Variants in CPD observed in about 807,000 individuals in gnomAD.
CPD encodes carboxypeptidase D, also known as metallocarboxypeptidase D.
CPD carries 69 observed loss-of-function variants against 138.3 expected under a neutral mutation model. The ratio of observed to expected loss-of-function variants is 0.50; its 90% CI spans 0.41 to 0.61. The LOEUF is 0.61. Among genes scored for constraint, CPD ranks in the 20% least tolerant of loss-of-function variants. CPD has a pLI of 0.00. For synonymous variants in CPD, 651 were observed against 642.1 expected, an observed-to-expected ratio of 1.01 and a Z score of -0.21; for missense variants, 1,432 against 1,733.3, an observed-to-expected ratio of 0.83 and a Z score of 3.09.
chr17:30,423,787 A>C, intron 6 of CPD, 90 bp downstream of exon 6: 4 of 986,070 alleles, frequency 4.1e-6, no homozygotes, highest in Non-Finnish European at 5.6e-6. Flanking sequence ...GTTCTTTTGG[A>C]ATTTCTTCCA....
chr17:30,448,451 G>A (rs1222726825), intron 12 of CPD, among the ~76,000 whole-genome samples: 1 of 152,180 alleles, frequency 6.6e-6, no homozygotes, highest in South Asian at 2.1e-4. Flanking sequence ...ACACTTTTTA[G>A]TTAAATATTT....
At chr17:30,444,754 A>G (rs922168371) in intron 11 of CPD, among the ~76,000 whole-genome samples, 7 of 152,068 alleles carry the variant, frequency 4.6e-5, no homozygotes, top group South Asian at 2.1e-4. Context: ...TTTGATAAGT[A>G]TAGATGTTAC....
intron 2 of CPD, among the ~76,000 whole-genome samples, chr17:30,395,984 G>C (rs1359049295): frequency 6.6e-6 from 1 of 152,082 alleles, no homozygotes; most frequent in Non-Finnish European, 1.5e-5. Context: ...AGGAATTTGG[G>C]GAATTTTTTT....
At chr17:30,394,010 C>CT (rs1158800727) in intron 2 of CPD, among the ~76,000 whole-genome samples, 1 of 151,668 alleles carries the variant, frequency 6.6e-6, no homozygotes, top group East Asian at 1.9e-4. Flanking sequence ...TGATGCACCC[C>CT]TGTAGTCCCA....
At position 30,422,695 on chromosome 17, in the gene CPD, T is replaced by G; in HGVS notation, c.1329T>G (p.Thr443=). 6.2e-7 allele frequency: 1 copy of G among 1,612,386 alleles called. No individual in the cohort carries two copies. The highest frequency in any genetic ancestry group is 8.5e-7 in the Non-Finnish European group (1 of 1,179,184). ...TCAGGTATATGCCATTGACTGTTAC[T>G]AATGTAGTGGTGAAAGAAGGACCAG... ...VLTGYMPLTV[T]NVVVKEGPAT... is the part of the protein sequence containing the mutation. The change falls in exon 5 of 21, where the codon ACT becomes ACG. Residue 443 remains threonine, a synonymous_variant. Transcript: ENST00000225719.
intron 2 of CPD, among the ~76,000 whole-genome samples, chr17:30,417,569 G>T (rs898099751): frequency 5.9e-5 from 9 of 152,064 alleles, no homozygotes; most frequent in Non-Finnish European, 1.0e-4. Flanking sequence ...TCAGGCCAGA[G>T]GTCCTCTTTG....
chr17:30,392,780 G>A (rs1911394736), intron 2 of CPD, among the ~76,000 whole-genome samples: 1 of 152,152 alleles, frequency 6.6e-6, no homozygotes, highest in Non-Finnish European at 1.5e-5. Flanking sequence ...TTGTTTATAT[G>A]TTTCAGTTAT....
rs1467031259 is a variant in CPD, at chr17:30,446,001, C to G, written c.2854C>G (p.His952Asp). 1 of 1,575,648 alleles carries G rather than the reference C, an allele frequency of 6.3e-7. No homozygotes were observed. Among genetic ancestry groups the G allele is most frequent in the Non-Finnish European group, 8.6e-7 (1 of 1,156,426 alleles). The change falls in exon 12 of 21, where the codon CAT (histidine) becomes GAT (aspartate). Residue 952 changes from histidine (H) to aspartate (D), a missense_variant. His to Asp is a moderately conservative substitution (Grantham distance 81). Around this residue, in one of 6 missense-constraint regions of CPD, gnomAD observed 124 missense variants for 117.0 expected, o/e 1.06. Coordinates refer to ENST00000225719, the MANE Select transcript of CPD (RefSeq NM_001304.5). ...FLRGLVMNYPHITNLTNLGQS... is the reference protein window; with the variant it reads ...FLRGLVMNYPDITNLTNLGQS... ...GAGAGGACTTGTAATGAACTATCCA[C>G]ATATTACAAATCTTACCAAGTAAGT...
chr17:30,444,516 C>CTTTTT (rs34419729), intron 11 of CPD, among the ~76,000 whole-genome samples: 6 of 120,852 alleles, frequency 5.0e-5, no homozygotes, highest in Non-Finnish European at 6.8e-5. Flanking sequence ...ATGCTAGTAA[C>CTTTTT]TTTTTTTTTT....
intron 17 of CPD, among the ~76,000 whole-genome samples, chr17:30,460,274 C>T (rs1324202331): frequency 5.3e-5 from 8 of 151,994 alleles, no homozygotes; most frequent in Admixed American, 4.6e-4. Context: ...GGAAAGAGTG[C>T]TTGTTGCTTT....
chr17:30,446,086 G>T (rs982748914), intron 12 of CPD, 66 bp downstream of exon 12: 99 of 1,097,334 alleles, frequency 9.0e-5, no homozygotes, highest in Non-Finnish European at 1.3e-4. Flanking sequence ...TAGCCATGTT[G>T]AATAGTTGTA....
Position 30,461,256 on chromosome 17 carries a change from G to A in CPD, c.3575G>A (p.Arg1192Gln), listed in dbSNP as rs749273190. 59 of 1,611,914 alleles carry A rather than the reference G, an allele frequency of 3.7e-5. No homozygotes were observed. The highest frequency in any genetic ancestry group is 4.5e-5 in the East Asian group (2 of 44,776). The change falls in exon 18 of 21, where the codon CGA becomes CAA. Residue 1192 changes from arginine to glutamine, a missense_variant. Arg to Gln is a conservative substitution (Grantham distance 43). Around this residue, in one of 6 missense-constraint regions of CPD, gnomAD observed 366 missense variants for 518.8 expected, o/e 0.71. Transcript: ENST00000225719. The part of the protein sequence containing the change: ...TSCCYFPSAA[R>Q]LPSLWADNKR... ...TGCTGTTACTTTCCTAGTGCTGCACGACTCCCTTCCTTGTGGGCAGACAAT... is the reference window on the plus strand; with the variant it reads ...TGCTGTTACTTTCCTAGTGCTGCACAACTCCCTTCCTTGTGGGCAGACAAT...
intron 2 of CPD, among the ~76,000 whole-genome samples, chr17:30,398,403 T>C (rs1218861489): frequency 6.6e-6 from 1 of 152,214 alleles, no homozygotes; most frequent in Non-Finnish European, 1.5e-5. Context: ...AAAATTTTCT[T>C]TGGCTGAATA....
chr17:30,429,547 C>G (rs1373018940), intron 7 of CPD, among the ~76,000 whole-genome samples: 1 of 152,226 alleles, frequency 6.6e-6, no homozygotes, highest in African/African-American at 2.4e-5. Context: ...GAGTCCGCAG[C>G]TGGAGCTTGT....
rs567172168 is a variant in CPD, at chr17:30,388,282, A to C, written c.994+3046A>C. Among the ~76,000 whole-genome samples the C allele has an allele frequency of 2.5e-3, 376 of 151,998 alleles. 1 individual carries two copies. Among genetic ancestry groups the C allele is most frequent in the African/African-American group, 8.7e-3 (359 of 41,434 alleles). On this transcript the variant is annotated intron_variant, in intron 2 of 20. Coordinates refer to ENST00000225719, the MANE Select transcript of CPD (RefSeq NM_001304.5). ...GGCAGCCTGGCCCCCAGCCTTCAGG[A>C]CCTCCCTGGCCTGAAGGTGGGGCCT... is the stretch of plus-strand genomic sequence containing the variant.
chr17:30,396,506 A>C lies in CPD; in HGVS notation c.994+11270A>C, dbSNP rs549597660. The stretch of plus-strand genomic sequence containing the variant: ...CTTTGAATGAAGGATTGAATTTATT[A>C]ATCTCCCCTCCCCTTAAAAGCTAGA... On this transcript the variant is annotated intron_variant, in intron 2 of 20. Transcript: ENST00000225719. 8.5e-5 allele frequency among the ~76,000 whole-genome samples: 13 copies of C among 152,326 alleles called. No homozygotes were observed. The South Asian group carries it at 2.7e-3, about 32-fold the overall frequency.
intron 1 of CPD, chr17:30,380,368 T>C: frequency 2.8e-6 from 2 of 710,178 alleles, no homozygotes; most frequent in Non-Finnish European, 3.7e-6. Context: ...GAAGCTGATT[T>C]TTCTCCAATT....
At chr17:30,395,654 A>T (rs879583295) in intron 2 of CPD, among the ~76,000 whole-genome samples, 1 of 152,016 alleles carries the variant, frequency 6.6e-6, no homozygotes, top group East Asian at 1.9e-4. Context: ...AATGTGTATA[A>T]ATTGGATGTA....
At chr17:30,456,132 A>G in intron 15 of CPD, 124 bp from the exon 16 acceptor site, 3 of 659,140 alleles carry the variant, frequency 4.6e-6, no homozygotes, top group Admixed American at 2.9e-5. Context: ...TTATAGTAAC[A>G]GTATACTTAA....
Sources: allele counts gnomAD v4.1 joint callset (sites outside exome capture counted in the v4.1 genomes callset), GRCh38; gene constraint gnomAD v4.1.1; regional missense constraint gnomAD v4.1.1; transcripts MANE v1.5; gene names NCBI Gene and HGNC (gene_info 2026-07-23, HGNC 2026-07-21).